Variants in DPYD observed in about 807,000 individuals in gnomAD.
The protein encoded by DPYD is dihydropyrimidine dehydrogenase [NADP(+)].
DPYD carries 109 observed loss-of-function variants against 116.2 expected under a neutral mutation model. The observed-to-expected ratio is 0.94, with a 90% CI of 0.80 to 1.10. The LOEUF is 1.10. DPYD is among the 50% of genes least tolerant of loss of function. The pLI, the probability that DPYD is intolerant of heterozygous loss-of-function variation, is 0.00. For missense variants in DPYD, 1,302 were observed against 1,254.5 expected (o/e 1.04, Z -0.57); for synonymous variants, 440 against 432.0 (o/e 1.02, Z -0.23).
intron 18 of DPYD, among the ~76,000 whole-genome samples, chr1:97,292,722 G>A (rs1666287869): frequency 6.7e-6 from 1 of 149,936 alleles, no homozygotes; most frequent in East Asian, 2.0e-4. Flanking sequence ...ACACGCGCGA[G>A]CACACACACA....
At chr1:97,610,005 A>G (rs558671460) in intron 8 of DPYD, among the ~76,000 whole-genome samples, 3 of 152,088 alleles carry the variant, frequency 2.0e-5, no homozygotes, top group South Asian at 4.1e-4. Flanking sequence ...AAATCAATTC[A>G]TTTTGAGAAA....
At chr1:97,244,910 T>C (rs894287883) in intron 18 of DPYD, among the ~76,000 whole-genome samples, 4 of 152,086 alleles carry the variant, frequency 2.6e-5, no homozygotes, top group African/African-American at 9.7e-5. Context: ...CAGTTCCTTA[T>C]ACTACTAAGA....
chr1:97,870,605 T>C (rs916069275), intron 2 of DPYD, among the ~76,000 whole-genome samples: 1 of 151,812 alleles, frequency 6.6e-6, no homozygotes, highest in Non-Finnish European at 1.5e-5. Context: ...ATACACCACA[T>C]TCCCACCTAA....
intron 13 of DPYD, among the ~76,000 whole-genome samples, chr1:97,487,831 A>G (rs1457453908): frequency 6.6e-6 from 1 of 152,224 alleles, no homozygotes; most frequent in African/African-American, 2.4e-5. Flanking sequence ...GTGGGAATAT[A>G]AAATGTTACA....
chr1:97,812,086 T>G (rs992333075), intron 3 of DPYD, among the ~76,000 whole-genome samples: 2 of 152,172 alleles, frequency 1.3e-5, no homozygotes, highest in Admixed American at 1.3e-4. Flanking sequence ...TGGTTTTGCT[T>G]TAATCTTCCC....
intron 13 of DPYD, among the ~76,000 whole-genome samples, chr1:97,455,655 T>C (rs2101808193): frequency 6.6e-6 from 1 of 152,050 alleles, no homozygotes; most frequent in Admixed American, 6.6e-5. Flanking sequence ...TGAAATAAAA[T>C]TCAAGAGTGG....
intron 20 of DPYD, among the ~76,000 whole-genome samples, chr1:97,140,679 G>C (rs549346205): frequency 6.6e-6 from 1 of 152,058 alleles, no homozygotes; most frequent in Admixed American, 6.6e-5. Flanking sequence ...CTAAGCATCC[G>C]GCCTTTTCTC....
intron 20 of DPYD, among the ~76,000 whole-genome samples, chr1:97,126,853 G>A (rs755538667): frequency 6.6e-6 from 1 of 152,144 alleles, no homozygotes; most frequent in African/African-American, 2.4e-5. Context: ...CCTGGGAACA[G>A]CATCTTGAAA....
chr1:97,630,029 C>T (rs934755540), intron 8 of DPYD, among the ~76,000 whole-genome samples: 4 of 151,820 alleles, frequency 2.6e-5, no homozygotes, highest in Admixed American at 6.6e-5. Flanking sequence ...TAAGTTGTCA[C>T]GTATATCAAT....
At chr1:97,560,113 G>A (rs1048573198) in intron 11 of DPYD, among the ~76,000 whole-genome samples, 1 of 152,176 alleles carries the variant, frequency 6.6e-6, no homozygotes, top group Non-Finnish European at 1.5e-5. Flanking sequence ...TGAAGGCACT[G>A]CAACTTGGGA....
At chr1:97,385,644 C>T (rs531448043) in intron 14 of DPYD, among the ~76,000 whole-genome samples, 6 of 152,036 alleles carry the variant, frequency 3.9e-5, no homozygotes, top group Non-Finnish European at 8.8e-5. Flanking sequence ...GCTGCTCAAT[C>T]AGCACAGTCA....
intron 12 of DPYD, among the ~76,000 whole-genome samples, chr1:97,525,884 G>T (rs1649030418): frequency 1.4e-5 from 1 of 70,508 alleles, no homozygotes. Flanking sequence ...GTGTGTGTGT[G>T]TGCGCGCGCG....
At chr1:97,660,108 A>G (rs1014482201) in intron 8 of DPYD, among the ~76,000 whole-genome samples, 2 of 152,126 alleles carry the variant, frequency 1.3e-5, no homozygotes, top group Non-Finnish European at 2.9e-5. Context: ...AACAACTAAT[A>G]TGCTTGTCAC....
chr1:97,912,950 C>CT lies in DPYD; in HGVS notation c.39+7933dup, dbSNP rs552040986. ...AGCTTGAATTCTGGGGACCCCATTG[C>CT]TTATGCCATGGTTTTCACCTACAAT... On this transcript the variant is annotated intron_variant, in intron 1 of 22. Coordinates refer to ENST00000370192, the MANE Select transcript of DPYD (RefSeq NM_000110.4). 3.1e-4 allele frequency among the ~76,000 whole-genome samples: 47 copies of CT among 152,224 alleles called. No individual in the cohort carries two copies. The South Asian group carries it at 9.3e-3, about 30-fold the overall frequency.
intron 8 of DPYD, among the ~76,000 whole-genome samples, chr1:97,641,211 C>A (rs755434847): frequency 6.6e-6 from 1 of 152,110 alleles, no homozygotes; most frequent in African/African-American, 2.4e-5. Flanking sequence ...TGATTTCTGA[C>A]AAATCCACCC....
chr1:97,162,049 T>C (rs962909988), intron 20 of DPYD, among the ~76,000 whole-genome samples: 1 of 151,998 alleles, frequency 6.6e-6, no homozygotes, highest in Admixed American at 6.6e-5. Flanking sequence ...CATGTGTCTT[T>C]ATAGCAGCAT....
At chr1:97,887,853 A>C (rs975627919) in intron 1 of DPYD, among the ~76,000 whole-genome samples, 1 of 152,004 alleles carries the variant, frequency 6.6e-6, no homozygotes. Context: ...ATAGTGAGTG[A>C]GTTCTCACGA....
chr1:97,540,358 G>A (rs765661157), intron 12 of DPYD, among the ~76,000 whole-genome samples: 1 of 142,628 alleles, frequency 7.0e-6, no homozygotes, highest in African/African-American at 2.7e-5. Flanking sequence ...GGCGGGGCAG[G>A]GAACAAAACA....
At chr1:97,830,707 C>CAAAAAAAAAAAAAAAAAAAA (rs759967010) in intron 2 of DPYD, among the ~76,000 whole-genome samples, 11 of 105,776 alleles carry the variant, frequency 1.0e-4, no homozygotes, top group South Asian at 6.3e-4. Flanking sequence ...GACTCCATCT[C>CAAAAAAAAAAAAAAAAAAAA]AAAAAAAAAA....
Sources: gnomAD v4.1 joint callset for allele counts (sites outside exome capture counted in the v4.1 genomes callset) on GRCh38, gnomAD v4.1.1 for gene constraint, MANE v1.5 for transcripts, NCBI Gene and HGNC (gene_info 2026-07-23, HGNC 2026-07-21) for gene names.